KCNT2: variants seen among roughly 807,000 people sequenced by gnomAD.
KCNT2 encodes the protein potassium sodium-activated channel subfamily T member 2.
Under a neutral mutation model 153.8 loss-of-function variants are expected in KCNT2, and 67 were observed. The ratio of observed to expected loss-of-function variants is 0.44; its 90% CI spans 0.36 to 0.53. KCNT2 has a LOEUF of 0.53. Among genes scored for constraint, KCNT2 ranks in the 20% least tolerant of loss-of-function variants. KCNT2 has a pLI of 0.00. For synonymous variants in KCNT2, 500 were observed against 458.8 expected (o/e 1.09, Z -1.15); for missense variants, 975 against 1,354.8 (o/e 0.72, Z 4.40).
chr1:196,534,821 C>T (rs1655359646), intron 1 of KCNT2, among the ~76,000 whole-genome samples: 1 of 152,124 alleles, frequency 6.6e-6, no homozygotes, highest in Non-Finnish European at 1.5e-5. Flanking sequence ...TCACTGATAC[C>T]TTTCTGCTGA....
chr1:196,370,589 G>T (rs1211074735), intron 14 of KCNT2, among the ~76,000 whole-genome samples: 1 of 151,862 alleles, frequency 6.6e-6, no homozygotes, highest in Non-Finnish European at 1.5e-5. Flanking sequence ...ATGATGTAAA[G>T]AAAGTAGCAT....
At chr1:196,503,168 A>C (rs77164965) in intron 1 of KCNT2, among the ~76,000 whole-genome samples, 87 of 133,152 alleles carry the variant, frequency 6.5e-4, no homozygotes, top group Non-Finnish European at 1.3e-3. Context: ...AAAAGAAAAG[A>C]AAAAAAAAAG....
At chr1:196,555,737 G>A (rs1658555646) in intron 1 of KCNT2, among the ~76,000 whole-genome samples, 1 of 151,294 alleles carries the variant, frequency 6.6e-6, no homozygotes, top group Admixed American at 6.6e-5. Context: ...CACATGACCT[G>A]ATTCAAATTA....
chr1:196,543,371 A>T (rs932567471), intron 1 of KCNT2, among the ~76,000 whole-genome samples: 1 of 152,102 alleles, frequency 6.6e-6, no homozygotes. Flanking sequence ...CTCATGAAGT[A>T]TTATTAATCT....
intron 5 of KCNT2, among the ~76,000 whole-genome samples, chr1:196,469,947 G>A (rs1163321021): frequency 1.3e-5 from 2 of 152,226 alleles, no homozygotes; most frequent in Middle Eastern, 3.4e-3. Flanking sequence ...ATAAAATTGG[G>A]ACTCTTTCTT....
At position 196,370,534 on chromosome 1, in the gene KCNT2, G is replaced by A. The variant is rs1668432255; in HGVS notation, c.1403+2606C>T. Among the ~76,000 whole-genome samples the A allele has an allele frequency of 3.3e-5, 5 of 152,020 alleles. No individual in the cohort carries two copies. The South Asian group carries it at 8.3e-4, about 25-fold the overall frequency. On this transcript the variant is annotated intron_variant, in intron 14 of 27. Coordinates refer to ENST00000294725, the MANE Select transcript of KCNT2 (RefSeq NM_198503.5). ...GGAGAGACCACTTCATGCCCACTAG[G>A]ATGGTTATGATAAAAAAAAGCGCGG...
intron 13 of KCNT2, among the ~76,000 whole-genome samples, chr1:196,379,562 AC>A (rs1435635522): frequency 2.0e-5 from 2 of 100,030 alleles, no homozygotes; most frequent in Non-Finnish European, 2.0e-5. Flanking sequence ...ATACAGTGAG[AC>A]TTTCTCTCTC....
intron 8 of KCNT2, among the ~76,000 whole-genome samples, chr1:196,435,145 A>ATG (rs1385879078): frequency 2.0e-5 from 2 of 98,558 alleles, no homozygotes; most frequent in African/African-American, 7.2e-5. Context: ...GTATGTATAT[A>ATG]TATATATATA....
chr1:196,333,965 G>A lies in KCNT2; in HGVS notation c.1879C>T (p.Pro627Ser). The change falls in exon 17 of 28, where the codon CCT (proline) becomes TCT (serine). Residue 627 changes from proline to serine, a missense_variant. Transcript: ENST00000294725. ...ACCTCTAAAACAGGAGCAATGCTAG[G>A]TCTTCTTATTTCTTTGCTTCCCTCT... ...PTEGSKEIRR[P>S]SIAPVLEVAD... 1 of 1,612,662 alleles carries A rather than the reference G, an allele frequency of 6.2e-7. No individual in the cohort carries two copies. Among genetic ancestry groups the A allele is most frequent in the Non-Finnish European group, 8.5e-7 (1 of 1,179,068 alleles).
chr1:196,565,592 CATAT>C (rs138353023), intron 1 of KCNT2, among the ~76,000 whole-genome samples: 211 of 145,206 alleles, frequency 1.5e-3, no homozygotes, highest in African/African-American at 4.7e-3. Flanking sequence ...AATCATTATA[CATAT>C]ATATATATAT....
intron 22 of KCNT2, among the ~76,000 whole-genome samples, chr1:196,290,997 G>C (rs1285497801): frequency 6.6e-6 from 1 of 152,060 alleles, no homozygotes; most frequent in Non-Finnish European, 1.5e-5. Context: ...CTAAGGTCTA[G>C]CTCCCAAACT....
At chr1:196,567,110 A>T (rs1252255614) in intron 1 of KCNT2, among the ~76,000 whole-genome samples, 1 of 152,164 alleles carries the variant, frequency 6.6e-6, no homozygotes, top group East Asian at 1.9e-4. Flanking sequence ...CATATTAATT[A>T]CAAAATTAAA....
intron 1 of KCNT2, among the ~76,000 whole-genome samples, chr1:196,527,018 C>T (rs1654315746): frequency 6.6e-6 from 1 of 152,104 alleles, no homozygotes; most frequent in Non-Finnish European, 1.5e-5. Context: ...CTATTGTGAA[C>T]TGTGCATGTA....
intron 1 of KCNT2, among the ~76,000 whole-genome samples, chr1:196,570,900 C>A (rs528703095): frequency 2.5e-4 from 38 of 152,226 alleles, no homozygotes; most frequent in Admixed American, 6.5e-4. Context: ...AAAATCAAGT[C>A]TTTATTTCCT....
In KCNT2 at chr1:196,482,383, TA is replaced by T; in HGVS notation, c.276-5del. The T allele has an allele frequency of 2.0e-6, 3 of 1,479,230 alleles. No individual in the cohort carries two copies. Among genetic ancestry groups the T allele is most frequent in the Non-Finnish European group, 2.8e-6 (3 of 1,090,660 alleles). 91.6% of individuals were successfully genotyped at this position (1,479,230 alleles called of 1,614,324 possible). A position where few individuals can be genotyped will look rare whatever the true frequency, so the allele number is the denominator to read the frequency against. On this transcript the variant is annotated splice_region_variant and splice_polypyrimidine_tract_variant and intron_variant, in intron 3 of 27. Coordinates refer to ENST00000294725, the MANE Select transcript of KCNT2 (RefSeq NM_198503.5). ...GTTCACCCAAAAGATATGAGACCTA[TA>T]AAAAGAATAATAATAAGTTAGTTTT...
intron 25 of KCNT2, 195 bp from the exon 26 acceptor site, chr1:196,258,689 A>T: frequency 3.1e-6 from 2 of 640,688 alleles, no homozygotes; most frequent in Non-Finnish European, 5.5e-6. Flanking sequence ...GAACGTACAT[A>T]TAAATCAGGC....
intron 22 of KCNT2, among the ~76,000 whole-genome samples, chr1:196,294,271 T>C (rs369375364): frequency 6.6e-6 from 1 of 151,894 alleles, no homozygotes; most frequent in Non-Finnish European, 1.5e-5. Context: ...AAGGCAGCCA[T>C]TATGTTTTGT....
Position 196,429,627 on chromosome 1 carries a change from G to T in KCNT2, c.769C>A (p.Leu257Ile). 1 of 1,612,862 alleles carries T rather than the reference G, an allele frequency of 6.2e-7. No homozygotes were observed. Among genetic ancestry groups the T allele is most frequent in the Non-Finnish European group, 8.5e-7 (1 of 1,179,374 alleles). The change falls in exon 9 of 28, where the codon CTT becomes ATT. Residue 257 changes from leucine to isoleucine, a missense_variant. Around this residue, in one of 6 missense-constraint regions of KCNT2, gnomAD observed 202 missense variants for 314.9 expected, o/e 0.64. Transcript: ENST00000294725. ...ACACAAATCATAGCAACTACAAAAA[G>T]CTTGGAGGACCATGTTTCAGGAGTG... ...DVTPETWSSK[L>I]FVVAMICVAL...
intron 1 of KCNT2, among the ~76,000 whole-genome samples, chr1:196,559,030 G>A (rs1271613637): frequency 6.6e-6 from 1 of 151,046 alleles, no homozygotes; most frequent in Non-Finnish European, 1.5e-5. Flanking sequence ...GTTTTAAAAG[G>A]TATGTAAACA....
Sources: allele counts gnomAD v4.1 joint callset (sites outside exome capture counted in the v4.1 genomes callset), GRCh38; gene constraint gnomAD v4.1.1; regional missense constraint gnomAD v4.1.1; transcripts MANE v1.5; gene names NCBI Gene and HGNC (gene_info 2026-07-23, HGNC 2026-07-21).